Variants in EIF4EBP2 observed in about 807,000 individuals in gnomAD.
The protein encoded by EIF4EBP2 is eukaryotic translation initiation factor 4E binding protein 2.
Under a neutral mutation model 10.3 loss-of-function variants are expected in EIF4EBP2, and 5 were observed. The observed-to-expected ratio is 0.48, with a 90% CI of 0.25 to 1.02. The LOEUF is 1.02. EIF4EBP2 is among the 50% of genes least tolerant of loss of function. The pLI is 0.15. For missense variants in EIF4EBP2, 188 were observed against 162.2 expected, an observed-to-expected ratio of 1.16 and a Z score of -0.86; for synonymous variants, 67 against 61.1, an observed-to-expected ratio of 1.10 and a Z score of -0.45.
Position 70,425,701 on chromosome 10 carries a change from CT to C in EIF4EBP2, c.*3958del, listed in dbSNP as rs780689486. On this transcript the variant is annotated 3_prime_UTR_variant, in exon 3 of 3. Coordinates refer to ENST00000373218, the MANE Select transcript of EIF4EBP2 (RefSeq NM_004096.5). ...TGGTGTCTGTAAGACTCAGTTACCA[CT>C]TTTATTTTCCTGTAGCTAGGAGTTA... 1.3e-5 allele frequency: 2 copies of C among 152,198 alleles called. No homozygotes were observed. The highest frequency in any genetic ancestry group is 6.5e-5 in the Admixed American group (1 of 15,282). 9.4% of individuals were successfully genotyped at this position (152,198 alleles called of 1,614,324 possible). A position where few individuals can be genotyped will look rare whatever the true frequency, so the allele number is the denominator to read the frequency against.
Position 70,425,756 on chromosome 10 carries a change from G to C in EIF4EBP2, c.*4009G>C, listed in dbSNP as rs1253118756. The C allele has an allele frequency of 2.0e-5, 3 of 152,250 alleles. No individual in the cohort carries two copies. Among genetic ancestry groups the C allele is most frequent in the African/African-American group, 7.2e-5 (3 of 41,456 alleles). The allele number at this position is 152,250 out of a possible 1,614,324, so 9.4% of individuals were successfully genotyped here. On this transcript the variant is annotated 3_prime_UTR_variant, in exon 3 of 3. Coordinates refer to ENST00000373218, the MANE Select transcript of EIF4EBP2 (RefSeq NM_004096.5). ...AAAGGAACTGGGGCCTTCCAGCCGA[G>C]CCACTAAACCTGTCTTATTTGGAAT... is the stretch of plus-strand genomic sequence containing the variant.
chr10:70,410,883 G>A (rs771257721), intron 1 of EIF4EBP2, among the ~76,000 whole-genome samples: 6 of 152,190 alleles, frequency 3.9e-5, no homozygotes, highest in Non-Finnish European at 8.8e-5. Flanking sequence ...GAAGTTACAT[G>A]CCAAATGCTT....
At chr10:70,416,293 A>G (rs1845093264) in intron 1 of EIF4EBP2, among the ~76,000 whole-genome samples, 1 of 152,188 alleles carries the variant, frequency 6.6e-6, no homozygotes, top group Non-Finnish European at 1.5e-5. Context: ...AAAAACAGGC[A>G]GTTCTGGCCG....
At chr10:70,417,613 A>C (rs1055292802) in intron 1 of EIF4EBP2, among the ~76,000 whole-genome samples, 2 of 152,156 alleles carry the variant, frequency 1.3e-5, no homozygotes, top group Non-Finnish European at 2.9e-5. Context: ...CCTATATCCT[A>C]GTTGGTTTAA....
At chr10:70,412,677 G>A (rs904565373) in intron 1 of EIF4EBP2, among the ~76,000 whole-genome samples, 36 of 152,032 alleles carry the variant, frequency 2.4e-4, no homozygotes, top group African/African-American at 8.0e-4. Flanking sequence ...GAGAATCACT[G>A]GTTTTTAGAT....
intron 1 of EIF4EBP2, among the ~76,000 whole-genome samples, chr10:70,407,327 C>A (rs376091183): frequency 6.6e-6 from 1 of 151,818 alleles, no homozygotes; most frequent in Non-Finnish European, 1.5e-5. Flanking sequence ...TTAACGAGCA[C>A]GCTGCCTTCA....
rs1444286738 is a variant in EIF4EBP2, at chr10:70,425,381, C to G, written c.*3634C>G. 1 of 152,210 alleles carries G rather than the reference C, an allele frequency of 6.6e-6. No homozygotes were observed. The allele number at this position is 152,210 out of a possible 1,614,324, so 9.4% of individuals were successfully genotyped here. On this transcript the variant is annotated 3_prime_UTR_variant, in exon 3 of 3. Coordinates refer to ENST00000373218, the MANE Select transcript of EIF4EBP2 (RefSeq NM_004096.5). ...GAGAGGAATTACACATACCTCTACC[C>G]CAATGGAGCAGTAGCAAAGAATTTA...
chr10:70,415,305 A>G (rs1176250332), intron 1 of EIF4EBP2, among the ~76,000 whole-genome samples: 3 of 152,242 alleles, frequency 2.0e-5, no homozygotes, highest in Non-Finnish European at 2.9e-5. Flanking sequence ...AGAAGACCCA[A>G]ATAAGTGGAA....
Position 70,404,350 on chromosome 10 carries a change from C to A in EIF4EBP2, c.-52C>A, listed in dbSNP as rs539499423. On this transcript the variant is annotated 5_prime_UTR_variant, in exon 1 of 3. Transcript: ENST00000373218. ...CTGAGGAGCCGAAGCAGCCCCGGCC[C>A]CGCCGCCGCCGCCTGCCCGCCGGAC... 1.1e-5 allele frequency: 16 copies of A among 1,405,746 alleles called. No individual in the cohort carries two copies. The African/African-American group carries it at 1.8e-4, about 16-fold the overall frequency. 87.1% of individuals were successfully genotyped at this position (1,405,746 alleles called of 1,614,324 possible).
intron 1 of EIF4EBP2, among the ~76,000 whole-genome samples, chr10:70,414,347 C>T (rs1027093570): frequency 1.4e-5 from 2 of 146,556 alleles, no homozygotes; most frequent in Admixed American, 6.8e-5. Flanking sequence ...GCAGAGATTA[C>T]TAAAATTCAA....
rs1200865359 is a variant in EIF4EBP2 at position 70,411,433 on chromosome 10, C to T, written c.145+6887C>T. Among the ~76,000 whole-genome samples the T allele has an allele frequency of 3.3e-5, 5 of 151,542 alleles. No homozygotes were observed. The East Asian group carries it at 7.7e-4, about 23-fold the overall frequency. ...ATTTTTTTAATACCTATGAAAGCAA[C>T]AAAGTTGTAAAAGTCATATAGTCTT... On this transcript the variant is annotated intron_variant, in intron 1 of 2. Transcript: ENST00000373218.
At position 70,404,535 on chromosome 10, in the gene EIF4EBP2, C is replaced by G. The variant is rs756444375; in HGVS notation, c.134C>G (p.Thr45Ser). 2 of 1,582,100 alleles carry G rather than the reference C, an allele frequency of 1.3e-6. No homozygotes were observed. The stretch of plus-strand genomic sequence containing the variant: ...ACGCCCGGGGGGACGCTCTTCTCCA[C>G]CACACCGGGAGGTGAGCGCCGGCCA... ...CTTPGGTLFSTTPGGTRIIYD... is the reference protein window; with the variant it reads ...CTTPGGTLFSSTPGGTRIIYD... The change falls in exon 1 of 3, where the codon ACC (threonine) becomes AGC (serine). Residue 45 changes from threonine (T) to serine (S), a missense_variant. Coordinates refer to ENST00000373218, the MANE Select transcript of EIF4EBP2 (RefSeq NM_004096.5).
chr10:70,420,617 TTGG>T (rs1845145663), intron 2 of EIF4EBP2, among the ~76,000 whole-genome samples: 1 of 152,170 alleles, frequency 6.6e-6, no homozygotes, highest in East Asian at 1.9e-4. Flanking sequence ...TCTGATGTAG[TTGG>T]TGGGAGAAAA....
chr10:70,406,244 A>T (rs1443520018), intron 1 of EIF4EBP2, among the ~76,000 whole-genome samples: 1 of 152,190 alleles, frequency 6.6e-6, no homozygotes, highest in African/African-American at 2.4e-5. Flanking sequence ...AAGTGCTGGG[A>T]TTACAGGCGT....
intron 1 of EIF4EBP2, among the ~76,000 whole-genome samples, chr10:70,416,732 A>G (rs1390530314): frequency 2.7e-5 from 4 of 147,234 alleles, no homozygotes; most frequent in East Asian, 2.0e-4. Flanking sequence ...TGGTGCAATC[A>G]TGGCTCACTG....
At position 70,424,081 on chromosome 10, in the gene EIF4EBP2, G is replaced by C. The variant is rs1280126767; in HGVS notation, c.*2334G>C. The C allele has an allele frequency of 1.3e-5, 2 of 152,184 alleles. No individual in the cohort carries two copies. Among genetic ancestry groups the C allele is most frequent in the Non-Finnish European group, 2.9e-5 (2 of 68,022 alleles). 9.4% of individuals were successfully genotyped at this position (152,184 alleles called of 1,614,324 possible). On this transcript the variant is annotated 3_prime_UTR_variant, in exon 3 of 3. Coordinates refer to ENST00000373218, the MANE Select transcript of EIF4EBP2 (RefSeq NM_004096.5). ...GACCCAACTAGCAGCTAGTCAGTCT[G>C]TCAGTGAGCAGAAGAGTGAACTCTT...
intron 1 of EIF4EBP2, among the ~76,000 whole-genome samples, chr10:70,408,879 A>G (rs1231592805): frequency 6.6e-6 from 1 of 152,202 alleles, no homozygotes; most frequent in East Asian, 1.9e-4. Context: ...TAGAAAAATG[A>G]GTGATAGGCT....
chr10:70,407,993 C>T (rs1156954109), intron 1 of EIF4EBP2, among the ~76,000 whole-genome samples: 1 of 116,748 alleles, frequency 8.6e-6, no homozygotes, highest in Non-Finnish European at 1.8e-5. Context: ...CTGACCCCCC[C>T]ACCTCCCTCC....
rs1674854995 is a variant in EIF4EBP2 at position 70,426,546 on chromosome 10, G to C, written c.*4799G>C. ...CCCACCTCAGCCTCCCAAAGTGCTGGGATTACAGGCGCGAGCCACCGCGCC... is the reference window on the plus strand; with the variant it reads ...CCCACCTCAGCCTCCCAAAGTGCTGCGATTACAGGCGCGAGCCACCGCGCC... On this transcript the variant is annotated 3_prime_UTR_variant, in exon 3 of 3. Coordinates refer to ENST00000373218, the MANE Select transcript of EIF4EBP2 (RefSeq NM_004096.5). 1 of 152,214 alleles carries C rather than the reference G, an allele frequency of 6.6e-6. No individual in the cohort carries two copies. Among genetic ancestry groups the C allele is most frequent in the South Asian group, 2.1e-4 (1 of 4,830 alleles). The allele number at this position is 152,214 out of a possible 1,614,324, so 9.4% of individuals were successfully genotyped here.
Sources: allele counts gnomAD v4.1 joint callset (sites outside exome capture counted in the v4.1 genomes callset), GRCh38; gene constraint gnomAD v4.1.1; transcripts MANE v1.5; gene names NCBI Gene and HGNC (gene_info 2026-07-23, HGNC 2026-07-21).